The following SLC9B1 variants were observed in gnomAD, a reference collection of about 807,000 sequenced individuals.
SLC9B1 encodes sodium/hydrogen exchanger 9B1.
SLC9B1 carries 32 observed loss-of-function variants against 51.7 expected under a neutral mutation model. The observed-to-expected ratio is 0.62, with a 90% CI of 0.47 to 0.83. The LOEUF is 0.83. SLC9B1 is among the 40% of genes least tolerant of loss of function. The pLI is 0.00. For synonymous variants in SLC9B1, 145 were observed against 212.7 expected, an observed-to-expected ratio of 0.68 and a Z score of 2.77; for missense variants, 406 against 613.2, an observed-to-expected ratio of 0.66 and a Z score of 3.57.
intron 7 of SLC9B1, among the ~76,000 whole-genome samples, chr4:102,913,796 T>TA (rs61244946): frequency 0.049 from 3,496 of 71,420 alleles, 81 homozygotes; most frequent in African/African-American, 0.061. Context: ...AGATAGAAAC[T>TA]AAAAAAAAAA....
At chr4:102,928,268 A>G (rs896788325) in intron 7 of SLC9B1, among the ~76,000 whole-genome samples, 27 of 152,292 alleles carry the variant, frequency 1.8e-4, no homozygotes, top group Non-Finnish European at 3.5e-4. Context: ...GATGTCCTCA[A>G]TCATCTCTCT....
At chr4:102,923,807 T>C (rs1459169747) in intron 7 of SLC9B1, among the ~76,000 whole-genome samples, 2 of 152,172 alleles carry the variant, frequency 1.3e-5, no homozygotes, top group African/African-American at 2.4e-5. Flanking sequence ...CCATTCACAA[T>C]TGCTTCAAAG....
At chr4:102,965,116 G>A (rs944148252) in intron 3 of SLC9B1, among the ~76,000 whole-genome samples, 3 of 152,020 alleles carry the variant, frequency 2.0e-5, no homozygotes, top group African/African-American at 4.8e-5. Flanking sequence ...ATATATAGTA[G>A]CAACAAACAG....
chr4:102,911,684 T>C, intron 7 of SLC9B1, 147 bp from the exon 8 acceptor site: 2 of 573,822 alleles, frequency 3.5e-6, no homozygotes, highest in East Asian at 2.8e-5. Flanking sequence ...TAGTGACATA[T>C]ATGAAAACAT....
chr4:102,958,116 T>C (rs1399743068), intron 3 of SLC9B1, among the ~76,000 whole-genome samples: 2 of 152,178 alleles, frequency 1.3e-5, no homozygotes, highest in African/African-American at 4.8e-5. Flanking sequence ...CCAAATCTCA[T>C]GTTGAATTGT....
chr4:102,983,194 T>C (rs1054862054), intron 3 of SLC9B1, among the ~76,000 whole-genome samples: 2 of 152,154 alleles, frequency 1.3e-5, no homozygotes, highest in Non-Finnish European at 2.9e-5. Context: ...ATTACATTAC[T>C]TAATTTTTGA....
intron 7 of SLC9B1, among the ~76,000 whole-genome samples, chr4:102,912,345 G>A (rs1735380093): frequency 6.6e-6 from 1 of 151,642 alleles, no homozygotes; most frequent in Non-Finnish European, 1.5e-5. Flanking sequence ...AACATTCAAG[G>A]GTCAATTAAG....
chr4:102,951,472 T>C (rs1311593884), intron 3 of SLC9B1, among the ~76,000 whole-genome samples: 1 of 152,044 alleles, frequency 6.6e-6, no homozygotes. Context: ...ATATGTATTT[T>C]CAAAGGGACT....
intron 1 of SLC9B1, among the ~76,000 whole-genome samples, chr4:103,004,989 AT>A (rs1740706035): frequency 6.6e-6 from 1 of 152,162 alleles, no homozygotes; most frequent in African/African-American, 2.4e-5. Context: ...ACACACTTAA[AT>A]ACATAGACCA....
At chr4:103,008,822 C>T (rs1740936406) in intron 1 of SLC9B1, among the ~76,000 whole-genome samples, 2 of 105,926 alleles carry the variant, frequency 1.9e-5, no homozygotes, top group East Asian at 3.0e-4. Flanking sequence ...TTTTTTGAGA[C>T]GGAGTCTCGC....
chr4:102,985,182 C>T (rs1283272374), intron 3 of SLC9B1, among the ~76,000 whole-genome samples: 1 of 152,144 alleles, frequency 6.6e-6, no homozygotes, highest in Non-Finnish European at 1.5e-5. Flanking sequence ...TATCATTCTC[C>T]ATCTCTTTCC....
chr4:103,013,093 A>G (rs187902180), intron 1 of SLC9B1, among the ~76,000 whole-genome samples: 3 of 152,296 alleles, frequency 2.0e-5, no homozygotes, highest in Non-Finnish European at 4.4e-5. Flanking sequence ...GGTTTTTCTC[A>G]ACTATAGACA....
chr4:102,957,182 G>T (rs1482783966), intron 3 of SLC9B1, among the ~76,000 whole-genome samples: 3 of 152,052 alleles, frequency 2.0e-5, no homozygotes, highest in Non-Finnish European at 4.4e-5. Context: ...GAAACTTATG[G>T]GATACCATCA....
rs553280571 is a variant in SLC9B1, at chr4:102,924,567, T to C, written c.829+7557A>G. ...CCAAAATTGACAAATGGGATCTAAT[T>C]AAACTAGAGAGCTTCTGCACAGCAA... On this transcript the variant is annotated intron_variant, in intron 7 of 11. Transcript: ENST00000296422. Among the ~76,000 whole-genome samples, 10 of 152,270 alleles carry C rather than the reference T, an allele frequency of 6.6e-5. No homozygotes were observed. In the East Asian group the frequency reaches 1.9e-3, roughly 29 times the overall value.
At chr4:102,909,296 C>CAAA (rs35570979) in intron 9 of SLC9B1, among the ~76,000 whole-genome samples, 1 of 144,514 alleles carries the variant, frequency 6.9e-6, no homozygotes, top group African/African-American at 2.5e-5. Flanking sequence ...GACTCTGTCT[C>CAAA]AAAAAAAAAA....
At chr4:102,964,970 T>C (rs1738344121) in intron 3 of SLC9B1, among the ~76,000 whole-genome samples, 1 of 152,094 alleles carries the variant, frequency 6.6e-6, no homozygotes, top group African/African-American at 2.4e-5. Flanking sequence ...ATTGTTAGCC[T>C]TGTATACAGA....
At chr4:102,939,141 A>AG (rs1342886063) in intron 6 of SLC9B1, among the ~76,000 whole-genome samples, 1 of 151,308 alleles carries the variant, frequency 6.6e-6, no homozygotes, top group Non-Finnish European at 1.5e-5. Context: ...TAGACCAATA[A>AG]GGAAAAAAAA....
chr4:102,922,261 T>C (rs1277919119), intron 7 of SLC9B1, among the ~76,000 whole-genome samples: 1 of 152,172 alleles, frequency 6.6e-6, no homozygotes, highest in Non-Finnish European at 1.5e-5. Context: ...AGAAGCTCCC[T>C]CAAAACTGAA....
intron 3 of SLC9B1, among the ~76,000 whole-genome samples, chr4:102,969,279 G>A (rs1738612247): frequency 6.6e-6 from 1 of 152,176 alleles, no homozygotes; most frequent in South Asian, 2.1e-4. Flanking sequence ...CTGATATGAA[G>A]CTTCCAGAGG....
Sources: gnomAD v4.1 joint callset for allele counts (sites outside exome capture counted in the v4.1 genomes callset) on GRCh38, gnomAD v4.1.1 for gene constraint, MANE v1.5 for transcripts, NCBI Gene and HGNC (gene_info 2026-07-23, HGNC 2026-07-21) for gene names.